CYP4X1: variants seen among roughly 807,000 people sequenced by gnomAD.
CYP4X1 encodes the protein cytochrome P450 family 4 subfamily X member 1.
A neutral mutation model predicts 57.9 loss-of-function variants in CYP4X1; 44 were observed. That is an observed-to-expected ratio of 0.76 (90% CI 0.60 to 0.98). The LOEUF (loss-of-function observed/expected upper bound fraction) is 0.98. Ranked by LOEUF, CYP4X1 falls within the 50% of genes least tolerant of loss-of-function variation. CYP4X1 has a pLI of 0.00. For synonymous variants in CYP4X1, 227 were observed against 228.6 expected (o/e 0.99, Z 0.06); for missense variants, 532 against 623.9 (o/e 0.85, Z 1.57).
the CYP4X1 span, among the ~76,000 whole-genome samples, chr1:46,970,957 G>T: frequency 1.3e-5 from 2 of 152,086 alleles, no homozygotes; most frequent in Non-Finnish European, 2.9e-5. Context: ...AGGTTCAGGG[G>T]TACATGTGCA....
the CYP4X1 span, among the ~76,000 whole-genome samples, chr1:47,006,140 AC>A: frequency 6.6e-6 from 1 of 152,228 alleles, no homozygotes; most frequent in African/African-American, 2.4e-5. Context: ...TTTTACATAA[AC>A]TTTTTGTGTA....
At chr1:47,031,713 C>T (rs1644125604) in intron 3 of CYP4X1, among the ~76,000 whole-genome samples, 1 of 152,084 alleles carries the variant, frequency 6.6e-6, no homozygotes, top group Non-Finnish European at 1.5e-5. Context: ...ATTCTCAAGG[C>T]AGCAGATACA....
chr1:47,032,771 T>C (rs1018937640), intron 3 of CYP4X1, among the ~76,000 whole-genome samples: 7 of 152,062 alleles, frequency 4.6e-5, no homozygotes, highest in African/African-American at 1.7e-4. Context: ...TGGTTTGGAG[T>C]GGAAAGGAAT....
chr1:47,039,699 T>A (rs1450295442), intron 8 of CYP4X1, 167 bp downstream of exon 8: 2 of 427,978 alleles, frequency 4.7e-6, no homozygotes, highest in African/African-American at 2.3e-5. Context: ...AATTATTCTC[T>A]TGTCTTTCAG....
rs1236313099 is a variant in CYP4X1 at position 47,050,057 on chromosome 1, T to C, written c.1413T>C (p.Ile471=). 6.2e-7 allele frequency: 1 copy of C among 1,614,066 alleles called. No individual in the cohort carries two copies. The highest frequency in any genetic ancestry group is 1.7e-5 in the Admixed American group (1 of 59,984). ...AGTTAAAGGTAACCATTGCCTTGAT[T>C]CTGCTCCACTTCAGAGTGACTCCAG... The part of the protein sequence containing the change: ...MIELKVTIAL[I]LLHFRVTPDP... Residue 471 remains isoleucine (I), a synonymous_variant, in exon 12 of 12, where the codon ATT becomes ATC. Transcript: ENST00000371901.
At chr1:47,034,252 T>A (rs1644155750) in intron 4 of CYP4X1, among the ~76,000 whole-genome samples, 1 of 152,128 alleles carries the variant, frequency 6.6e-6, no homozygotes. Context: ...CAAAAGAGAA[T>A]GTGTGTATTA....
chr1:47,000,621 G>A, the CYP4X1 span, among the ~76,000 whole-genome samples: 1 of 152,106 alleles, frequency 6.6e-6, no homozygotes, highest in Non-Finnish European at 1.5e-5. Flanking sequence ...AGACAAGCAG[G>A]CAGAAGAAAG....
the CYP4X1 span, among the ~76,000 whole-genome samples, chr1:46,962,282 A>G: frequency 2.6e-5 from 4 of 151,988 alleles, no homozygotes; most frequent in African/African-American, 4.8e-5. Flanking sequence ...ACGCCTGGCT[A>G]ATTTTTCATA....
At chr1:47,007,995 C>T in the CYP4X1 span, among the ~76,000 whole-genome samples, 1 of 152,226 alleles carries the variant, frequency 6.6e-6, no homozygotes, top group African/African-American at 2.4e-5. Flanking sequence ...TTGGAAAACA[C>T]TCTTCAGGAT....
Position 47,046,518 on chromosome 1 carries a change from C to T in CYP4X1, c.1125C>T (p.Cys375=). 1 of 1,614,160 alleles carries T rather than the reference C, an allele frequency of 6.2e-7. No individual in the cohort carries two copies. The highest frequency in any genetic ancestry group is 8.5e-7 in the Non-Finnish European group (1 of 1,180,024). The change falls in exon 9 of 12, where the codon TGC becomes TGT. Residue 375 remains cysteine (C), a synonymous_variant. Coordinates refer to ENST00000371901, the MANE Select transcript of CYP4X1 (RefSeq NM_178033.2). ...CCACAATGTGCATCAAGGAGACGTG[C>T]CGATTGATTCCTGCAGTCCCGTCCA... is the stretch of plus-strand genomic sequence containing the variant. ...SYTTMCIKET[C]RLIPAVPSIS... is the part of the protein sequence containing the mutation.
At chr1:47,037,048 G>A (rs1644191647) in intron 6 of CYP4X1, among the ~76,000 whole-genome samples, 1 of 152,152 alleles carries the variant, frequency 6.6e-6, no homozygotes, top group South Asian at 2.1e-4. Flanking sequence ...ATTATAAATA[G>A]CAGCAGTTCC....
downstream of CYP4X1, among the ~76,000 whole-genome samples, chr1:47,052,407 AATTGTATATCATATAAAT>A: frequency 6.6e-6 from 1 of 152,186 alleles, no homozygotes; most frequent in Admixed American, 6.5e-5. Context: ...CTGTGCCAAA[AATTGTATATCATATAAAT>A]GATAACAAGT....
chr1:46,988,643 C>G, the CYP4X1 span, among the ~76,000 whole-genome samples: 1 of 152,146 alleles, frequency 6.6e-6, no homozygotes, highest in Non-Finnish European at 1.5e-5. Context: ...CAATAAAATA[C>G]TGGCAAACCG....
chr1:46,961,847 T>C, the CYP4X1 span: 1 of 1,137,660 alleles, frequency 8.8e-7, no homozygotes. Context: ...GGTTATCCCA[T>C]CAAACAGACA....
At chr1:47,035,993 C>T in intron 5 of CYP4X1, 24 bp from the exon 6 acceptor site, 2 of 1,610,138 alleles carry the variant, frequency 1.2e-6, no homozygotes, top group Non-Finnish European at 1.7e-6. Flanking sequence ...TTTATTAACA[C>T]ATTATCCCAA....
chr1:46,978,808 A>AGGATTAAG, the CYP4X1 span, among the ~76,000 whole-genome samples: 1 of 152,242 alleles, frequency 6.6e-6, no homozygotes, highest in Non-Finnish European at 1.5e-5. Flanking sequence ...ATTAGAGCTC[A>AGGATTAAG]GGATTAAGAA....
At chr1:47,034,461 C>T (rs1014346445) in intron 4 of CYP4X1, among the ~76,000 whole-genome samples, 2 of 152,144 alleles carry the variant, frequency 1.3e-5, no homozygotes, top group African/African-American at 4.8e-5. Context: ...TTCACTAATA[C>T]ACTTTCATCA....
the CYP4X1 span, among the ~76,000 whole-genome samples, chr1:46,975,981 C>A: frequency 6.6e-6 from 1 of 152,060 alleles, no homozygotes; most frequent in Non-Finnish European, 1.5e-5. Context: ...GGATCCATTC[C>A]AAGATGGCTA....
chr1:46,961,644 G>A, the CYP4X1 span: 3 of 1,290,312 alleles, frequency 2.3e-6, no homozygotes, highest in African/African-American at 3.0e-5. Context: ...TTCCCACCCT[G>A]CTTATCAAGG....
Sources: allele counts gnomAD v4.1 joint callset (sites outside exome capture counted in the v4.1 genomes callset), GRCh38; gene constraint gnomAD v4.1.1; transcripts MANE v1.5; gene names NCBI Gene and HGNC (gene_info 2026-07-23, HGNC 2026-07-21).